The following NBEA variants were observed in gnomAD, a reference collection of about 807,000 sequenced individuals.
NBEA encodes the protein neurobeachin, also known as lysosomal-trafficking regulator 2.
A neutral mutation model predicts 343.4 loss-of-function variants in NBEA; 44 were observed. That is an observed-to-expected ratio of 0.13 (90% CI 0.10 to 0.16). NBEA has a LOEUF of 0.16. Ranked by LOEUF, NBEA falls within the 10% of genes least tolerant of loss-of-function variation. The pLI is 1.00. For missense variants in NBEA, 2,555 were observed against 3,631.3 expected, an observed-to-expected ratio of 0.70 and a Z score of 7.62; for synonymous variants, 1,175 against 1,238.7, an observed-to-expected ratio of 0.95 and a Z score of 1.08.
chr13:34,943,108 C>A lies in NBEA; in HGVS notation c.288C>A (p.Leu96=), dbSNP rs536915645. Residue 96 remains leucine (L), a synonymous_variant, in exon 1 of 59, where the codon CTC becomes CTA. Transcript: ENST00000379939. ...ACAGGGACATCGTGGAGACGGTGCT[C>A]AACCTGGTAAGGAAAAGGCGTGCTC... ...VSNRDIVETV[L]NLLVGGEFDL... The A allele has an allele frequency of 2.5e-6, 4 of 1,613,470 alleles. No homozygotes were observed. In the East Asian group the frequency reaches 8.9e-5, roughly 36 times the overall value.
At chr13:35,118,735 T>G (rs1365977554) in intron 16 of NBEA, among the ~76,000 whole-genome samples, 1 of 152,084 alleles carries the variant, frequency 6.6e-6, no homozygotes, top group East Asian at 1.9e-4. Flanking sequence ...GAGCATTTTT[T>G]TTTCCAAGAA....
chr13:35,197,224 C>A (rs1003879954), intron 31 of NBEA, among the ~76,000 whole-genome samples: 1 of 152,068 alleles, frequency 6.6e-6, no homozygotes, highest in African/African-American at 2.4e-5. Context: ...AATGTGATGG[C>A]TTACCTTTTA....
In NBEA at chr13:35,050,410, A is replaced by C. The variant is rs757837311; in HGVS notation, c.972+15A>C. ...AACCACGCAAGGTAGGTAAAAGTAAATATTTTTATAACTCACCTGTTATGA... is the reference window on the plus strand; with the variant it reads ...AACCACGCAAGGTAGGTAAAAGTAACTATTTTTATAACTCACCTGTTATGA... On this transcript the variant is annotated intron_variant, in intron 6 of 58. Transcript: ENST00000379939. 1 of 1,602,358 alleles carries C rather than the reference A, an allele frequency of 6.2e-7. No homozygotes were observed. Among genetic ancestry groups the C allele is most frequent in the Non-Finnish European group, 8.5e-7 (1 of 1,173,940 alleles).
chr13:35,215,941 TTATC>T, intron 33 of NBEA, among the ~76,000 whole-genome samples: 1 of 151,700 alleles, frequency 6.6e-6, no homozygotes, highest in South Asian at 2.1e-4. Context: ...TTTACCCATC[TTATC>T]TAAGTTGTTG....
chr13:35,578,930 C>CT (rs34624362), intron 45 of NBEA, among the ~76,000 whole-genome samples: 6,052 of 145,728 alleles, frequency 0.042, 138 homozygotes, highest in South Asian at 0.11. Flanking sequence ...TCATCTTAAA[C>CT]TTTTTTTTTT....
At position 35,343,704 on chromosome 13, in the gene NBEA, G is replaced by T. The variant is rs937126788; in HGVS notation, c.5904-5404G>T. On this transcript the variant is annotated intron_variant, in intron 36 of 58. Coordinates refer to ENST00000379939, the MANE Select transcript of NBEA (RefSeq NM_001385012.1). ...ATCATAGGAGCATGGACCCTATTGT[G>T]AACTGTGCATGCAAGGGATATAGGT... Among the ~76,000 whole-genome samples the T allele has an allele frequency of 2.0e-5, 3 of 152,188 alleles. No individual in the cohort carries two copies. In the East Asian group the frequency reaches 5.8e-4, roughly 29 times the overall value.
chr13:34,947,183 C>A (rs542875522), intron 1 of NBEA, among the ~76,000 whole-genome samples: 1 of 151,766 alleles, frequency 6.6e-6, no homozygotes, highest in African/African-American at 2.4e-5. Flanking sequence ...TGTAAATGCT[C>A]GAGGTTTCAA....
chr13:35,566,820 A>T, intron 44 of NBEA, 85 bp from the exon 45 acceptor site: 6 of 714,468 alleles, frequency 8.4e-6, no homozygotes, highest in Admixed American at 2.4e-5. Flanking sequence ...TTTCTTCTGA[A>T]ATTCAGTAGA....
chr13:35,113,065 T>G (rs1472720783), intron 13 of NBEA, among the ~76,000 whole-genome samples: 2 of 152,086 alleles, frequency 1.3e-5, no homozygotes, highest in East Asian at 1.9e-4. Context: ...AGTTGCATTC[T>G]TACTTTTAAT....
chr13:35,591,384 C>G (rs924750627), intron 46 of NBEA, among the ~76,000 whole-genome samples: 1 of 151,956 alleles, frequency 6.6e-6, no homozygotes, highest in Non-Finnish European at 1.5e-5. Context: ...AATTAAACAT[C>G]TAAAAAGCAA....
At chr13:35,524,160 A>G (rs1228010520) in intron 41 of NBEA, among the ~76,000 whole-genome samples, 1 of 152,168 alleles carries the variant, frequency 6.6e-6, no homozygotes, top group Admixed American at 6.6e-5. Flanking sequence ...AAAGCCTCAC[A>G]TTGCTCCCTC....
At chr13:35,242,787 A>G (rs1271280732) in intron 34 of NBEA, among the ~76,000 whole-genome samples, 4 of 151,834 alleles carry the variant, frequency 2.6e-5, no homozygotes, top group East Asian at 1.9e-4. Flanking sequence ...CTATCAACCA[A>G]TAATACTACC....
intron 34 of NBEA, among the ~76,000 whole-genome samples, chr13:35,264,757 G>A (rs1405525513): frequency 6.6e-6 from 1 of 151,722 alleles, no homozygotes; most frequent in Non-Finnish European, 1.5e-5. Context: ...CACAATAATG[G>A]GCATTCTGAC....
intron 36 of NBEA, among the ~76,000 whole-genome samples, chr13:35,325,271 G>A (rs1279854693): frequency 6.6e-6 from 1 of 151,752 alleles, no homozygotes; most frequent in Non-Finnish European, 1.5e-5. Flanking sequence ...TAAAGAACTG[G>A]GTTGATGTTA....
At chr13:34,983,270 G>A (rs937640796) in intron 1 of NBEA, among the ~76,000 whole-genome samples, 9 of 152,090 alleles carry the variant, frequency 5.9e-5, no homozygotes, top group African/African-American at 1.2e-4. Context: ...GAGAACATGC[G>A]GTGTTTGGTT....
chr13:35,267,579 G>C (rs895980209), intron 34 of NBEA, among the ~76,000 whole-genome samples: 9 of 151,632 alleles, frequency 5.9e-5, no homozygotes, highest in African/African-American at 1.9e-4. Context: ...TCCACAGAAA[G>C]AGATACATAT....
intron 41 of NBEA, among the ~76,000 whole-genome samples, chr13:35,520,095 T>C (rs1490608642): frequency 6.6e-6 from 1 of 152,114 alleles, no homozygotes; most frequent in African/African-American, 2.4e-5. Context: ...TCATCAAGTA[T>C]TAGATTTTCA....
At chr13:35,012,766 G>A (rs910806568) in intron 1 of NBEA, among the ~76,000 whole-genome samples, 17 of 152,160 alleles carry the variant, frequency 1.1e-4, no homozygotes, top group African/African-American at 3.6e-4. Context: ...TTACCTGGCT[G>A]TATATCATCT....
rs73487608 is a variant in NBEA, at chr13:35,000,367, A to T, written c.295-40566A>T. 6.4e-3 allele frequency among the ~76,000 whole-genome samples: 968 copies of T among 152,144 alleles called. 11 individuals are homozygous for T. The highest frequency in any genetic ancestry group is 0.022 in the African/African-American group (927 of 41,518). ...ATAGAGGACAGTAAAATAGTAAGCT[A>T]TGGTTCTGGTCCTGTTTCGGAGAAG... On this transcript the variant is annotated intron_variant, in intron 1 of 58. Transcript: ENST00000379939.
Sources: allele counts gnomAD v4.1 joint callset (sites outside exome capture counted in the v4.1 genomes callset), GRCh38; gene constraint gnomAD v4.1.1; transcripts MANE v1.5; gene names NCBI Gene and HGNC (gene_info 2026-07-23, HGNC 2026-07-21).